MX2: variants seen among roughly 807,000 people sequenced by gnomAD.
The protein encoded by MX2 is interferon-induced GTP-binding protein Mx2.
MX2 carries 51 observed loss-of-function variants against 74.0 expected under a neutral mutation model. That is an observed-to-expected ratio of 0.69 (90% confidence interval 0.55 to 0.87). The LOEUF is 0.87. Ranked by LOEUF, MX2 falls within the 40% of genes least tolerant of loss-of-function variation. MX2 has a pLI of 0.00. For missense variants in MX2, 832 were observed against 908.7 expected (o/e 0.92, Z 1.09); for synonymous variants, 369 against 339.3 (o/e 1.09, Z -0.96).
chr21:41,362,428 C>T lies in MX2; in HGVS notation c.-72+373C>T, dbSNP rs201955067. Among the ~76,000 whole-genome samples, 375 of 152,182 alleles carry T rather than the reference C, an allele frequency of 2.5e-3. 1 individual carries two copies. Among genetic ancestry groups the T allele is most frequent in the African/African-American group, 8.2e-3 (339 of 41,504 alleles). ...GAGCTTTGTGCCCGAAAAGTCGTCT[C>T]GGAGGGTTTCAAGTGTTCCTTCTTT... On this transcript the variant is annotated intron_variant, in intron 1 of 13. Coordinates refer to ENST00000330714, the MANE Select transcript of MX2 (RefSeq NM_002463.2).
At chr21:41,401,099 C>T (rs2089806905) in intron 10 of MX2, 2 of 152,254 alleles carry the variant, frequency 1.3e-5, no homozygotes, top group Non-Finnish European at 2.9e-5. Context: ...CTAATCACCT[C>T]CCACCAGGTT....
intron 7 of MX2, among the ~76,000 whole-genome samples, chr21:41,396,136 A>G (rs374550296): frequency 6.6e-6 from 1 of 152,204 alleles, no homozygotes; most frequent in African/African-American, 2.4e-5. Context: ...GAGGTCAAAC[A>G]AATAGTGAAT....
At chr21:41,407,904 G>A (rs1465652815) in intron 13 of MX2, 87 bp from the exon 14 acceptor site, 13 of 1,541,630 alleles carry the variant, frequency 8.4e-6, no homozygotes, top group South Asian at 2.4e-5. Flanking sequence ...AACCATGTGC[G>A]CATCCAGGAA....
At chr21:41,394,020 C>T (rs2089699155) in intron 6 of MX2, among the ~76,000 whole-genome samples, 1 of 152,182 alleles carries the variant, frequency 6.6e-6, no homozygotes, top group African/African-American at 2.4e-5. Flanking sequence ...CACTGCTCTC[C>T]ATCCCCACTG....
rs757294216 is a variant in MX2 at position 41,382,394 on chromosome 21, CT to C, written c.578-15del. ...TTAATGAGGGCTCTGGGTTTCTCCC[CT>C]CCTGGCCTCCATAGCCCAGAACGTC... On this transcript the variant is annotated splice_polypyrimidine_tract_variant and intron_variant, in intron 4 of 13. Coordinates refer to ENST00000330714, the MANE Select transcript of MX2 (RefSeq NM_002463.2). The C allele has an allele frequency of 1.2e-6, 2 of 1,612,534 alleles. No homozygotes were observed. Among genetic ancestry groups the C allele is most frequent in the South Asian group, 2.2e-5 (2 of 90,926 alleles).
At chr21:41,381,546 G>A (rs571301098) in intron 4 of MX2, among the ~76,000 whole-genome samples, 9 of 152,110 alleles carry the variant, frequency 5.9e-5, no homozygotes, top group East Asian at 1.9e-4. Context: ...TTAGCCGGGC[G>A]CAGTGGCAGG....
chr21:41,375,755 A>G (rs1325786038), intron 1 of MX2, among the ~76,000 whole-genome samples: 5 of 152,232 alleles, frequency 3.3e-5, no homozygotes, highest in Non-Finnish European at 4.4e-5. Flanking sequence ...AAAAAAAGTC[A>G]TGTTCCCAGG....
intron 12 of MX2, among the ~76,000 whole-genome samples, chr21:41,405,162 T>G (rs542667184): frequency 1.3e-5 from 2 of 151,288 alleles, no homozygotes; most frequent in African/African-American, 4.9e-5. Context: ...ATACAAAAAT[T>G]AGCCAGAAAT....
intron 10 of MX2, 37 bp from the exon 11 acceptor site, chr21:41,401,933 A>C: frequency 6.3e-7 from 1 of 1,597,178 alleles, no homozygotes; most frequent in Non-Finnish European, 8.5e-7. Context: ...CTGCAGAATT[A>C]GCAGAATTCA....
intron 12 of MX2, among the ~76,000 whole-genome samples, chr21:41,405,452 G>T (rs76746024): frequency 0.015 from 2,352 of 152,076 alleles, 24 homozygotes; most frequent in Non-Finnish European, 0.025. Flanking sequence ...TCTCTTTCAG[G>T]TTGCGGATGG....
At chr21:41,379,110 G>A (rs895424189) in intron 3 of MX2, among the ~76,000 whole-genome samples, 5 of 152,214 alleles carry the variant, frequency 3.3e-5, no homozygotes, top group South Asian at 2.1e-4. Context: ...TTTACCCAGC[G>A]TGTCCCGTAA....
chr21:41,376,281 C>T (rs2089400330), intron 1 of MX2, among the ~76,000 whole-genome samples: 2 of 152,204 alleles, frequency 1.3e-5, no homozygotes, highest in African/African-American at 2.4e-5. Context: ...CGACTGTATT[C>T]CCAGCACTTT....
chr21:41,389,460 G>A (rs956923926), intron 5 of MX2: 39 of 152,300 alleles, frequency 2.6e-4, no homozygotes, highest in African/African-American at 9.1e-4. Flanking sequence ...GTTTAAGATT[G>A]GGGTGAGCCG....
Position 41,399,268 on chromosome 21 carries a change from C to G in MX2, c.1345C>G (p.Arg449Gly), listed in dbSNP as rs1329272567. Reference sequence around the variant, plus strand: ...AGAAGTTGTAAGGGAGAATGAGACCCGTTTATACAACAAAATCAGAGAGGA... The same window carrying G: ...AGAAGTTGTAAGGGAGAATGAGACCGGTTTATACAACAAAATCAGAGAGGA... ...GEEVVRENET[R>G]LYNKIREDFK... Residue 449 changes from arginine (R) to glycine (G), a missense_variant, in exon 10 of 14, where the codon CGT (arginine) becomes GGT (glycine). Transcript: ENST00000330714. 2 of 1,613,598 alleles carry G rather than the reference C, an allele frequency of 1.2e-6. No individual in the cohort carries two copies. Among genetic ancestry groups the G allele is most frequent in the South Asian group, 1.1e-5 (1 of 91,064 alleles).
At position 41,402,231 on chromosome 21, in the gene MX2, G is replaced by T; in HGVS notation, c.1573+103G>T. ...TGGAATGGAGTTACCAAACCAGCCTGCAGACACGCTCACTGGTGTGCTAGA... is the reference window on the plus strand; with the variant it reads ...TGGAATGGAGTTACCAAACCAGCCTTCAGACACGCTCACTGGTGTGCTAGA... On this transcript the variant is annotated intron_variant, in intron 11 of 13. Transcript: ENST00000330714. The surrounding 1 kb of genome is among the most constrained non-coding windows in gnomAD (Gnocchi z 4.5). The T allele has an allele frequency of 7.5e-7, 1 of 1,338,174 alleles. No individual in the cohort carries two copies. The highest frequency in any genetic ancestry group is 1.0e-6 in the Non-Finnish European group (1 of 981,152). 82.9% of individuals were successfully genotyped at this position (1,338,174 alleles called of 1,614,324 possible). A position where few individuals can be genotyped will look rare whatever the true frequency, so the allele number is the denominator to read the frequency against.
chr21:41,378,083 G>C, intron 3 of MX2, 102 bp downstream of exon 3: 4 of 1,384,722 alleles, frequency 2.9e-6, no homozygotes, highest in Non-Finnish European at 3.9e-6. Context: ...GCTGCTGGGT[G>C]AGAGAGCTGG....
In MX2 at chr21:41,403,254, T is replaced by TA; in HGVS notation, c.1574-13_1574-12insA. On this transcript the variant is annotated splice_polypyrimidine_tract_variant and intron_variant, in intron 11 of 13. Transcript: ENST00000330714. ...GTTTTCTTCTTCTTCTCCTTTTTGC[T>TA]TTTTTTGGTCAGAAATTATCCAGCA... 6.2e-7 allele frequency: 1 copy of TA among 1,604,014 alleles called. No homozygotes were observed. The highest frequency in any genetic ancestry group is 8.5e-7 in the Non-Finnish European group (1 of 1,173,234).
chr21:41,403,976 G>A (rs148773838), intron 12 of MX2: 4 of 228,430 alleles, frequency 1.8e-5, no homozygotes, highest in East Asian at 2.7e-4. Flanking sequence ...TCTGACTCCC[G>A]CCCACTTTCT....
intron 5 of MX2, among the ~76,000 whole-genome samples, chr21:41,387,682 A>C (rs1252453370): frequency 6.6e-6 from 1 of 152,194 alleles, no homozygotes; most frequent in African/African-American, 2.4e-5. Flanking sequence ...TCATGACTGT[A>C]AATACCACTT....
Sources: gnomAD v4.1 joint callset for allele counts (sites outside exome capture counted in the v4.1 genomes callset) on GRCh38, gnomAD v4.1.1 for gene constraint, Gnocchi (gnomAD v3.1) non-coding constraint, MANE v1.5 for transcripts, NCBI Gene and HGNC (gene_info 2026-07-23, HGNC 2026-07-21) for gene names.